Variants in KDM4C observed in about 807,000 individuals in gnomAD.
The protein encoded by KDM4C is lysine demethylase 4C, also known as lysine-specific demethylase 4C.
Under a neutral mutation model 129.3 loss-of-function variants are expected in KDM4C, and 81 were observed. That is an observed-to-expected ratio of 0.63 (90% CI 0.52 to 0.75). The LOEUF is 0.75. Ranked by LOEUF, KDM4C falls within the 30% of genes least tolerant of loss-of-function variation. The pLI is 0.00. For missense variants in KDM4C, 1,457 were observed against 1,304.0 expected (o/e 1.12, Z -1.81); for synonymous variants, 573 against 456.1 (o/e 1.26, Z -3.26).
intron 15 of KDM4C, among the ~76,000 whole-genome samples, chr9:7,039,186 A>G (rs766062166): frequency 1.5e-4 from 23 of 152,068 alleles, no homozygotes; most frequent in Non-Finnish European, 3.1e-4. Context: ...CAATTGGAGT[A>G]TATTTTTTAT....
chr9:7,019,473 G>A (rs1824266165), intron 15 of KDM4C, among the ~76,000 whole-genome samples: 1 of 151,560 alleles, frequency 6.6e-6, no homozygotes. Flanking sequence ...AACCTGCCTT[G>A]TGAAGGTAAG....
rs550755727 is a variant in KDM4C at position 6,805,263 on chromosome 9, G to A, written c.145-336G>A. ...GTGTGAATTCAAACTGTTTTAATTA[G>A]AATTTCAGCTCAAGTAGTCTTTAGC... is the stretch of plus-strand genomic sequence containing the variant. On this transcript the variant is annotated intron_variant, in intron 2 of 21. Coordinates refer to ENST00000381309, the MANE Select transcript of KDM4C (RefSeq NM_015061.6). 3.9e-5 allele frequency among the ~76,000 whole-genome samples: 6 copies of A among 152,044 alleles called. No homozygotes were observed. The East Asian group carries it at 9.6e-4, about 24-fold the overall frequency.
chr9:7,095,352 G>C (rs1476210526), intron 17 of KDM4C, among the ~76,000 whole-genome samples: 3 of 152,158 alleles, frequency 2.0e-5, no homozygotes, highest in Non-Finnish European at 4.4e-5. Context: ...AACAAATCTT[G>C]CTAAGGATAA....
At chr9:7,141,561 G>A (rs1841742459) in intron 19 of KDM4C, among the ~76,000 whole-genome samples, 1 of 152,208 alleles carries the variant, frequency 6.6e-6, no homozygotes, top group Non-Finnish European at 1.5e-5. Context: ...AGAAAGATGT[G>A]TCAAATATAA....
At chr9:7,105,632 AT>A (rs995447258) in intron 18 of KDM4C, 3 of 354,338 alleles carry the variant, frequency 8.5e-6, no homozygotes, top group African/African-American at 6.4e-5. Context: ...ATACTCTATT[AT>A]TTGGTGAATT....
Position 7,108,103 on chromosome 9 carries a change from G to C in KDM4C, c.2610+4233G>C, listed in dbSNP as rs563981853. Among the ~76,000 whole-genome samples the C allele has an allele frequency of 7.9e-5, 12 of 152,300 alleles. No individual in the cohort carries two copies. In the East Asian group the frequency reaches 1.2e-3, roughly 15 times the overall value. Reference sequence around the variant, plus strand: ...AAGCAGGGTGGGTAGGGTGGCTTCTGTTTTGGCAGCTCCCGTTCTAGAAAC... The same window carrying C: ...AAGCAGGGTGGGTAGGGTGGCTTCTCTTTTGGCAGCTCCCGTTCTAGAAAC... On this transcript the variant is annotated intron_variant, in intron 18 of 21. Transcript: ENST00000381309.
intron 17 of KDM4C, among the ~76,000 whole-genome samples, chr9:7,080,243 C>G (rs781528867): frequency 2.6e-5 from 4 of 152,116 alleles, no homozygotes; most frequent in Non-Finnish European, 2.9e-5. Flanking sequence ...CTAAATAACC[C>G]CCATGTATTC....
intron 8 of KDM4C, among the ~76,000 whole-genome samples, chr9:6,965,290 G>GATAT (rs56757314): frequency 1.3e-5 from 2 of 148,294 alleles, no homozygotes; most frequent in East Asian, 2.0e-4. Context: ...TCTAATACAT[G>GATAT]ATATATATAT....
intron 4 of KDM4C, among the ~76,000 whole-genome samples, chr9:6,829,563 T>C (rs1834458767): frequency 6.6e-6 from 1 of 152,200 alleles, no homozygotes; most frequent in Non-Finnish European, 1.5e-5. Context: ...ATAAGGAAGC[T>C]CAGACTGAAT....
chr9:6,742,558 CT>C (rs113102026), intron 1 of KDM4C, among the ~76,000 whole-genome samples: 4,224 of 139,296 alleles, frequency 0.03, 101 homozygotes, highest in African/African-American at 0.072. Context: ...GTTTCTTCAA[CT>C]TTTTTTTTTT....
At chr9:6,988,788 C>T (rs1208912899) in intron 11 of KDM4C, among the ~76,000 whole-genome samples, 3 of 151,778 alleles carry the variant, frequency 2.0e-5, no homozygotes, top group African/African-American at 7.3e-5. Flanking sequence ...CCCAGATGCT[C>T]CTCCCCCAGA....
chr9:6,876,167 A>G (rs1843523961), intron 5 of KDM4C, among the ~76,000 whole-genome samples: 1 of 152,136 alleles, frequency 6.6e-6, no homozygotes, highest in Admixed American at 6.5e-5. Flanking sequence ...ATACTTTTTG[A>G]ACATTTTCTC....
At chr9:6,991,167 C>A (rs1056005043) in intron 12 of KDM4C, among the ~76,000 whole-genome samples, 2 of 152,114 alleles carry the variant, frequency 1.3e-5, no homozygotes, top group Non-Finnish European at 2.9e-5. Flanking sequence ...CAGCCTCAAC[C>A]TCCCAGGCCT....
intron 15 of KDM4C, among the ~76,000 whole-genome samples, chr9:7,027,012 C>G (rs1025691140): frequency 1.3e-4 from 20 of 151,938 alleles, no homozygotes; most frequent in African/African-American, 4.4e-4. Context: ...TGTTGAATTT[C>G]TTTGAGTTTA....
intron 8 of KDM4C, among the ~76,000 whole-genome samples, chr9:6,956,397 TTTAAAAAA>T (rs1456175437): frequency 2.0e-5 from 3 of 152,112 alleles, no homozygotes; most frequent in Non-Finnish European, 4.4e-5. Context: ...CCCATAAAAA[TTTAAAAAA>T]TTAAAAAAAA....
intron 1 of KDM4C, among the ~76,000 whole-genome samples, chr9:6,773,832 T>C (rs13283575): frequency 0.097 from 14,675 of 151,652 alleles, 792 homozygotes; most frequent in Middle Eastern, 0.14. Flanking sequence ...TACAGTAAGA[T>C]TGGGGGAAGA....
intron 2 of KDM4C, 55 bp downstream of exon 2, chr9:6,793,187 G>A (rs1216250307): frequency 1.3e-6 from 2 of 1,570,482 alleles, no homozygotes; most frequent in African/African-American, 1.4e-5. Context: ...TTTAATTTAT[G>A]TTCTTAGTTT....
intron 14 of KDM4C, 121 bp from the exon 15 acceptor site, chr9:7,015,731 CA>C: frequency 8.2e-6 from 5 of 609,694 alleles, no homozygotes; most frequent in Non-Finnish European, 1.5e-5. Context: ...TTGTTCTATA[CA>C]GTGAGAATCA....
At chr9:7,169,070 G>A (rs1488542095) in intron 20 of KDM4C, among the ~76,000 whole-genome samples, 4 of 149,550 alleles carry the variant, frequency 2.7e-5, no homozygotes, top group Non-Finnish European at 5.9e-5. Flanking sequence ...AAAAAAAAAG[G>A]AAATATATTA....
Sources: gnomAD v4.1 joint callset for allele counts (sites outside exome capture counted in the v4.1 genomes callset) on GRCh38, gnomAD v4.1.1 for gene constraint, MANE v1.5 for transcripts, NCBI Gene and HGNC (gene_info 2026-07-23, HGNC 2026-07-21) for gene names.